ABCA13: variants seen among roughly 807,000 people sequenced by gnomAD.
The protein encoded by ABCA13 is ATP binding cassette subfamily A member 13, also known as ATP-binding cassette sub-family A member 13.
Under a neutral mutation model 478.7 loss-of-function variants are expected in ABCA13, and 476 were observed. The observed-to-expected ratio is 0.99, with a 90% CI of 0.92 to 1.07. ABCA13 has a LOEUF of 1.07. ABCA13 is among the 50% of genes least tolerant of loss of function. ABCA13 has a pLI of 0.00. For missense variants in ABCA13, 6,060 were observed against 5,910.6 expected (o/e 1.03, Z -0.83); for synonymous variants, 2,252 against 2,158.9 (o/e 1.04, Z -1.20).
In ABCA13 at chr7:48,372,150, T is replaced by A. The variant is rs763859256; in HGVS notation, c.10804-18T>A. On this transcript the variant is annotated intron_variant, in intron 32 of 61. Coordinates refer to ENST00000435803, the MANE Select transcript of ABCA13 (RefSeq NM_152701.5). ...TACGCATGCTGTGGTAACCTTGGGT[T>A]TTTTCTCTTTTTGGTAGTATATGCG... 6.3e-7 allele frequency: 1 copy of A among 1,598,118 alleles called. No individual in the cohort carries two copies. The highest frequency in any genetic ancestry group is 2.2e-5 in the East Asian group (1 of 44,528).
At chr7:48,462,584 C>G (rs1826383552) in intron 43 of ABCA13, among the ~76,000 whole-genome samples, 3 of 152,026 alleles carry the variant, frequency 2.0e-5, no homozygotes, top group Admixed American at 6.5e-5. Flanking sequence ...TCTTGGCTCA[C>G]TACAACCTCC....
chr7:48,541,900 A>C (rs1833967924), intron 55 of ABCA13, among the ~76,000 whole-genome samples: 1 of 146,512 alleles, frequency 6.8e-6, no homozygotes, highest in African/African-American at 2.6e-5. Flanking sequence ...TGGGTTAAAA[A>C]AGGTATTTTT....
intron 55 of ABCA13, among the ~76,000 whole-genome samples, chr7:48,570,688 C>T (rs1007571166): frequency 5.3e-5 from 8 of 151,772 alleles, no homozygotes; most frequent in African/African-American, 1.9e-4. Flanking sequence ...AGACAGCATA[C>T]AGTTGGATAA....
chr7:48,587,050 G>C, intron 56 of ABCA13, 104 bp from the exon 57 acceptor site: 2 of 1,480,148 alleles, frequency 1.4e-6, no homozygotes, highest in Non-Finnish European at 1.8e-6. Context: ...TGTGAAGGTC[G>C]GCAGGGTTAG....
At position 48,376,421 on chromosome 7, in the gene ABCA13, G is replaced by T. The variant is rs762913084; in HGVS notation, c.11204-20G>T. On this transcript the variant is annotated intron_variant, in intron 34 of 61. Coordinates refer to ENST00000435803, the MANE Select transcript of ABCA13 (RefSeq NM_152701.5). The stretch of plus-strand genomic sequence containing the variant: ...AAAGAGCTTGTGCAGTTCTAACTCT[G>T]ACCTTTTTCTTCCTGCTAGGGATTC... 5.6e-6 allele frequency: 9 copies of T among 1,611,582 alleles called. No individual in the cohort carries two copies. The highest frequency in any genetic ancestry group is 1.1e-5 in the South Asian group (1 of 90,448).
At chr7:48,276,646 C>G (rs1214109777) in intron 17 of ABCA13, 81 bp downstream of exon 17, 1 of 1,142,388 alleles carries the variant, frequency 8.8e-7, no homozygotes, top group Non-Finnish European at 1.3e-6. Flanking sequence ...ATAGACATGT[C>G]AAAAACAGTA....
chr7:48,289,359 AT>A (rs767935565), intron 20 of ABCA13, among the ~76,000 whole-genome samples: 6,260 of 139,532 alleles, frequency 0.045, 204 homozygotes, highest in Admixed American at 0.11. Context: ...CCCACAGACA[AT>A]TTTTTTTTTT....
Position 48,263,887 on chromosome 7 carries a change from A to G in ABCA13, c.2006-5093A>G, listed in dbSNP as rs796183917. Among the ~76,000 whole-genome samples the G allele has an allele frequency of 3.9e-5, 6 of 151,982 alleles. 1 individual carries two copies. The highest frequency in any genetic ancestry group is 1.4e-4 in the African/African-American group (6 of 41,550). ...CATATACATATATCCATAAAACTGT[A>G]ATCACAATTAAGACAGTGAAAGTCT... On this transcript the variant is annotated intron_variant, in intron 15 of 61. Coordinates refer to ENST00000435803, the MANE Select transcript of ABCA13 (RefSeq NM_152701.5).
At position 48,506,368 on chromosome 7, in the gene ABCA13, G is replaced by A. The variant is rs1831210103; in HGVS notation, c.13324G>A (p.Ala4442Thr). The part of the protein sequence containing the change: ...ITLYSHPYGG[A>T]LLNEDKILES... ...ACTCTACAGCCACCCATATGGAGGG[G>A]CCTTGCTGAACGAGGACAAGATGTG... The change falls in exon 49 of 62, where the codon GCC becomes ACC. Residue 4442 changes from alanine (A) to threonine (T), a missense_variant. By Grantham distance (58) the Ala-to-Thr change is moderately conservative. Transcript: ENST00000435803. 1 of 1,613,736 alleles carries A rather than the reference G, an allele frequency of 6.2e-7. No individual in the cohort carries two copies. The highest frequency in any genetic ancestry group is 1.3e-5 in the African/African-American group (1 of 74,918).
At chr7:48,602,267 CT>C (rs967551491) in intron 58 of ABCA13, among the ~76,000 whole-genome samples, 10 of 152,108 alleles carry the variant, frequency 6.6e-5, no homozygotes, top group Non-Finnish European at 1.5e-4. Flanking sequence ...GTTGCCATTG[CT>C]TTTGGTGTTT....
At chr7:48,255,431 ATAGT>A (rs1793236845) in intron 15 of ABCA13, among the ~76,000 whole-genome samples, 1 of 151,978 alleles carries the variant, frequency 6.6e-6, no homozygotes, top group Non-Finnish European at 1.5e-5. Context: ...ATAGTATCCA[ATAGT>A]TAGTTTTTCA....
rs118091163 is a variant in ABCA13 at position 48,292,851 on chromosome 7, A to C, written c.8956-2849A>C. Among the ~76,000 whole-genome samples the C allele has an allele frequency of 7.5e-3, 1,148 of 152,252 alleles. 7 individuals are homozygous for C. The highest frequency in any genetic ancestry group is 0.041 in the Middle Eastern group (12 of 294). On this transcript the variant is annotated intron_variant, in intron 20 of 61. Coordinates refer to ENST00000435803, the MANE Select transcript of ABCA13 (RefSeq NM_152701.5). ...ACTGGGTTGTGAACCTCATGGAGGTAGGAGTTTTGTCTCCTGTGTTCATAG... is the reference window on the plus strand; with the variant it reads ...ACTGGGTTGTGAACCTCATGGAGGTCGGAGTTTTGTCTCCTGTGTTCATAG...
intron 4 of ABCA13, 133 bp downstream of exon 4, chr7:48,219,638 T>C (rs1233822386): frequency 1.7e-6 from 2 of 1,206,960 alleles, no homozygotes; most frequent in Non-Finnish European, 2.3e-6. Flanking sequence ...GAGTCTTTGA[T>C]GGATGAGGCC....
intron 15 of ABCA13, among the ~76,000 whole-genome samples, chr7:48,263,525 A>G (rs1794469012): frequency 6.6e-6 from 1 of 151,898 alleles, no homozygotes; most frequent in Admixed American, 6.6e-5. Flanking sequence ...GGTAAAATAA[A>G]AATTTACATA....
In ABCA13 at chr7:48,445,587, C is replaced by T. The variant is rs560120886; in HGVS notation, c.12566-9450C>T. 1.4e-4 allele frequency among the ~76,000 whole-genome samples: 21 copies of T among 152,298 alleles called. 1 individual carries two copies. The South Asian group carries it at 4.3e-3, about 32-fold the overall frequency. ...TCTGAGCTAATCTTTGTTCATTCTTCAGTACGTGATTTATTTGACTCTTCT... is the reference window on the plus strand; with the variant it reads ...TCTGAGCTAATCTTTGTTCATTCTTTAGTACGTGATTTATTTGACTCTTCT... On this transcript the variant is annotated intron_variant, in intron 42 of 61. Transcript: ENST00000435803.
intron 58 of ABCA13, among the ~76,000 whole-genome samples, chr7:48,596,572 A>G (rs1395382530): frequency 6.6e-6 from 1 of 152,158 alleles, no homozygotes; most frequent in Non-Finnish European, 1.5e-5. Context: ...GCACGTTGGG[A>G]GGCCAAGGCG....
intron 3 of ABCA13, among the ~76,000 whole-genome samples, chr7:48,205,660 A>C (rs34427915): frequency 0.2 from 30,793 of 152,160 alleles, 3,374 homozygotes; most frequent in Middle Eastern, 0.26. Context: ...TTGCATCTTG[A>C]GATCCTGATG....
At chr7:48,619,767 G>C (rs966763314) in intron 59 of ABCA13, among the ~76,000 whole-genome samples, 2 of 152,170 alleles carry the variant, frequency 1.3e-5, no homozygotes, top group Non-Finnish European at 2.9e-5. Flanking sequence ...GGTAAAGGGC[G>C]ATTTCCTGGG....
chr7:48,465,654 G>C (rs1010615779), intron 43 of ABCA13, among the ~76,000 whole-genome samples: 2 of 151,482 alleles, frequency 1.3e-5, no homozygotes, highest in African/African-American at 4.8e-5. Flanking sequence ...AGGGTATTTA[G>C]GATATCTATC....
Sources: allele counts gnomAD v4.1 joint callset (sites outside exome capture counted in the v4.1 genomes callset), GRCh38; gene constraint gnomAD v4.1.1; transcripts MANE v1.5; gene names NCBI Gene and HGNC (gene_info 2026-07-23, HGNC 2026-07-21).